Variants in KCNQ1 observed in about 807,000 individuals in gnomAD.
KCNQ1 encodes potassium voltage-gated channel subfamily KQT member 1.
In KCNQ1, 49 loss-of-function variants were observed where a neutral mutation model predicts 72.4. The ratio of observed to expected loss-of-function variants is 0.68; its 90% CI spans 0.54 to 0.86. KCNQ1 has a LOEUF of 0.86. Ranked by LOEUF, KCNQ1 falls within the 40% of genes least tolerant of loss-of-function variation. KCNQ1 has a pLI of 0.00. For synonymous variants in KCNQ1, 450 were observed against 412.6 expected (o/e 1.09, Z -1.10); for missense variants, 790 against 945.1 (o/e 0.84, Z 2.15).
intron 15 of KCNQ1, among the ~76,000 whole-genome samples, chr11:2,839,097 GCTC>G (rs1848149033): frequency 6.6e-6 from 1 of 152,230 alleles, no homozygotes; most frequent in Non-Finnish European, 1.5e-5. Flanking sequence ...CCGGCAGGAA[GCTC>G]CTGAGGCCGG....
chr11:2,577,503 C>A (rs943433950), intron 6 of KCNQ1, among the ~76,000 whole-genome samples: 1 of 152,226 alleles, frequency 6.6e-6, no homozygotes, highest in Non-Finnish European at 1.5e-5. Context: ...GACGGTTTCA[C>A]CACCAGCCCG....
intron 10 of KCNQ1, chr11:2,646,211 G>C (rs1849663163): frequency 1.3e-5 from 5 of 398,496 alleles, no homozygotes; most frequent in Non-Finnish European, 2.2e-5. Context: ...TGGAGGAGGT[G>C]AGTGCCAGAT....
Position 2,767,309 on chromosome 11 carries a change from T to C in KCNQ1, c.1515-1535T>C, listed in dbSNP as rs1216872421. Among the ~76,000 whole-genome samples the C allele has an allele frequency of 6.6e-6, 1 of 152,190 alleles. No individual in the cohort carries two copies. Among genetic ancestry groups the C allele is most frequent in the East Asian group, 1.9e-4 (1 of 5,194 alleles). ...ATGTGGCCTCTCTAATCAGCAAGCTTGTTTGCAGGGCCACATTCCAAAAGG... is the reference window on the plus strand; with the variant it reads ...ATGTGGCCTCTCTAATCAGCAAGCTCGTTTGCAGGGCCACATTCCAAAAGG... On this transcript the variant is annotated intron_variant, in intron 11 of 15. Transcript: ENST00000155840. This position sits in a 1 kb window ranked among gnomAD's most constrained non-coding sequence, Gnocchi z 4.6.
At chr11:2,585,044 C>A (rs1000697473) in intron 7 of KCNQ1, among the ~76,000 whole-genome samples, 168 bp from the exon 8 acceptor site, 1 of 152,218 alleles carries the variant, frequency 6.6e-6, no homozygotes, top group Non-Finnish European at 1.5e-5. Context: ...TTCTGCCCCC[C>A]ATGCTGGCCC....
Position 2,562,186 on chromosome 11 carries a change from C to A in KCNQ1, c.478-8442C>A, listed in dbSNP as rs933677469. Reference sequence around the variant, plus strand: ...CTGCCCCAGGCCAGGCTACCTTGGGCGGGGTGGGGACTGGTACTCCCCGGG... The same window carrying A: ...CTGCCCCAGGCCAGGCTACCTTGGGAGGGGTGGGGACTGGTACTCCCCGGG... On this transcript the variant is annotated intron_variant, in intron 2 of 15. Coordinates refer to ENST00000155840, the MANE Select transcript of KCNQ1 (RefSeq NM_000218.3). This position sits in a 1 kb window ranked among gnomAD's most constrained non-coding sequence, Gnocchi z 7.5. 3.3e-5 allele frequency among the ~76,000 whole-genome samples: 1 copy of A among 30,464 alleles called. No homozygotes were observed. Among genetic ancestry groups the A allele is most frequent in the Admixed American group, 4.1e-4 (1 of 2,422 alleles). 20.0% of individuals were successfully genotyped at this position (30,464 alleles called of 152,430 possible). A position where few individuals can be genotyped will look rare whatever the true frequency, so the allele number is the denominator to read the frequency against.
rs1330843404 is a variant in KCNQ1 at position 2,658,467 on chromosome 11, G to A, written c.1394-3494G>A. Reference sequence around the variant, plus strand: ...CATGTGTCCTTTTGATGTGCCCCCCGCCATCCTTTTCATTTATTTTTAAGC... The same window carrying A: ...CATGTGTCCTTTTGATGTGCCCCCCACCATCCTTTTCATTTATTTTTAAGC... On this transcript the variant is annotated intron_variant, in intron 10 of 15. Coordinates refer to ENST00000155840, the MANE Select transcript of KCNQ1 (RefSeq NM_000218.3). The surrounding 1 kb of genome is among the most constrained non-coding windows in gnomAD (Gnocchi z 4.9). 3 of 398,282 alleles carry A rather than the reference G, an allele frequency of 7.5e-6. No homozygotes were observed. Among genetic ancestry groups the A allele is most frequent in the African/African-American group, 4.1e-5 (2 of 48,530 alleles). The allele number at this position is 398,282 out of a possible 1,614,324, so 24.7% of individuals were successfully genotyped here. A position where few individuals can be genotyped will look rare whatever the true frequency, so the allele number is the denominator to read the frequency against.
intron 11 of KCNQ1, chr11:2,694,191 C>G (rs1434572212): frequency 2.5e-6 from 1 of 398,558 alleles, no homozygotes; most frequent in Non-Finnish European, 4.4e-6. Context: ...GGGCCAGGGT[C>G]TTTCTCACCG....
At chr11:2,614,720 T>A (rs1012059067) in intron 10 of KCNQ1, 3 of 398,490 alleles carry the variant, frequency 7.5e-6, no homozygotes, top group Non-Finnish European at 1.3e-5. Flanking sequence ...TCTATTATAT[T>A]CCATTGGTCT....
chr11:2,678,959 CA>C lies in KCNQ1; in HGVS notation c.1514+16882del, dbSNP rs1338902255. The C allele has an allele frequency of 2.5e-6, 1 of 398,388 alleles. No individual in the cohort carries two copies. Among genetic ancestry groups the C allele is most frequent in the African/African-American group, 2.1e-5 (1 of 48,576 alleles). The allele number at this position is 398,388 out of a possible 1,614,324, so 24.7% of individuals were successfully genotyped here. On this transcript the variant is annotated intron_variant, in intron 11 of 15. Coordinates refer to ENST00000155840, the MANE Select transcript of KCNQ1 (RefSeq NM_000218.3). This position sits in a 1 kb window ranked among gnomAD's most constrained non-coding sequence, Gnocchi z 4.9. ...CTGAATTTGCTAACTCAATAGAGAA[CA>C]AAAGAGCAAATAGGCCTAATTCAAG...
At position 2,497,076 on chromosome 11, in the gene KCNQ1, TTC is replaced by T. The variant is rs1846935100; in HGVS notation, c.387-30846_387-30845del. 1.3e-5 allele frequency among the ~76,000 whole-genome samples: 2 copies of T among 152,186 alleles called. No homozygotes were observed. The highest frequency in any genetic ancestry group is 2.9e-5 in the Non-Finnish European group (2 of 68,032). On this transcript the variant is annotated intron_variant, in intron 1 of 15. Coordinates refer to ENST00000155840, the MANE Select transcript of KCNQ1 (RefSeq NM_000218.3). This position sits in a 1 kb window ranked among gnomAD's most constrained non-coding sequence, Gnocchi z 4.5. ...CTTCTCTTTGTAGGTAACCTGACCT[TTC>T]TCTCTGGCTGCCCTTAACGTTTTGT...
At chr11:2,693,578 T>C (rs936077019) in intron 11 of KCNQ1, 1 of 398,564 alleles carries the variant, frequency 2.5e-6, no homozygotes, top group Non-Finnish European at 4.4e-6. Flanking sequence ...GCAGGGATTC[T>C]TCCATAAATG....
chr11:2,797,145 C>T (rs540704385), intron 15 of KCNQ1, among the ~76,000 whole-genome samples: 35 of 149,138 alleles, frequency 2.3e-4, no homozygotes, highest in South Asian at 1.7e-3. Flanking sequence ...CGATGCCGGC[C>T]GCTCCGGGCA....
In KCNQ1 at chr11:2,583,526, CCTT is replaced by C. The variant is rs397508068; in HGVS notation, c.1017_1019del (p.Phe340del). 6.2e-7 allele frequency: 1 copy of C among 1,613,672 alleles called. No homozygotes were observed. The highest frequency in any genetic ancestry group is 1.1e-5 in the South Asian group (1 of 91,076). ...TCCTGCTTCTCTGTCTTTGCCATCT[CCTT>C]CTTTGCGCTCCCAGCGGTAGGTGCC... On this transcript the variant is annotated inframe_deletion, in exon 7 of 16. Transcript: ENST00000155840.
chr11:2,841,837 G>A (rs1848219980), intron 15 of KCNQ1, among the ~76,000 whole-genome samples: 1 of 152,228 alleles, frequency 6.6e-6, no homozygotes, highest in Non-Finnish European at 1.5e-5. Context: ...AAAAGTGGAT[G>A]TCAGCAGCAG....
At chr11:2,736,624 C>G (rs141462432) in intron 11 of KCNQ1, among the ~76,000 whole-genome samples, 1 of 152,202 alleles carries the variant, frequency 6.6e-6, no homozygotes, top group Admixed American at 6.5e-5. Context: ...CTCCCACCCC[C>G]CAGTTACACA....
At chr11:2,811,212 T>A (rs973173552) in intron 15 of KCNQ1, among the ~76,000 whole-genome samples, 1 of 152,136 alleles carries the variant, frequency 6.6e-6, no homozygotes, top group African/African-American at 2.4e-5. Context: ...AGGAAGCCCC[T>A]GGTGGGAATC....
rs976253543 is a variant in KCNQ1 at position 2,527,020 on chromosome 11, C to T, written c.387-908C>T. On this transcript the variant is annotated intron_variant, in intron 1 of 15. Transcript: ENST00000155840. ...GAGCCCGTGGGAATCCCCCTAGAGGCGGGAGGAAGGCCGGGCGGGCCCTGG... is the reference window on the plus strand; with the variant it reads ...GAGCCCGTGGGAATCCCCCTAGAGGTGGGAGGAAGGCCGGGCGGGCCCTGG... Among the ~76,000 whole-genome samples, 56 of 152,098 alleles carry T rather than the reference C, an allele frequency of 3.7e-4. 1 individual carries two copies. Among genetic ancestry groups the T allele is most frequent in the African/African-American group, 9.7e-5 (4 of 41,412 alleles).
chr11:2,612,695 T>C lies in KCNQ1; in HGVS notation c.1393+23841T>C, dbSNP rs574071575. The C allele has an allele frequency of 4.3e-5, 17 of 398,594 alleles. No individual in the cohort carries two copies. In the South Asian group the frequency reaches 2.0e-3, roughly 48 times the overall value. The allele number at this position is 398,594 out of a possible 1,614,324, so 24.7% of individuals were successfully genotyped here. A position where few individuals can be genotyped will look rare whatever the true frequency, so the allele number is the denominator to read the frequency against. On this transcript the variant is annotated intron_variant, in intron 10 of 15. Coordinates refer to ENST00000155840, the MANE Select transcript of KCNQ1 (RefSeq NM_000218.3). The surrounding 1 kb of genome is among the most constrained non-coding windows in gnomAD (Gnocchi z 5.5). ...TTTGGTTCTTTGAACATAGTTATAA[T>C]ACTTACTTTGAAATCGCGCCCTAAC...
intron 1 of KCNQ1, among the ~76,000 whole-genome samples, chr11:2,496,495 CTTTT>C: frequency 4.9e-3 from 146 of 29,820 alleles, no homozygotes; most frequent in African/African-American, 0.014. Context: ...ACAACCCCTG[CTTTT>C]TTTTTTTTTT....
Sources: allele counts gnomAD v4.1 joint callset (sites outside exome capture counted in the v4.1 genomes callset), GRCh38; gene constraint gnomAD v4.1.1; non-coding constraint Gnocchi (gnomAD v3.1); transcripts MANE v1.5; gene names NCBI Gene and HGNC (gene_info 2026-07-23, HGNC 2026-07-21).